IMMP2L: variants seen among roughly 807,000 people sequenced by gnomAD.
IMMP2L encodes the protein inner mitochondrial membrane peptidase subunit 2.
IMMP2L carries 18 observed loss-of-function variants against 19.3 expected under a neutral mutation model. The ratio of observed to expected loss-of-function variants is 0.93; its 90% CI spans 0.64 to 1.38. The LOEUF (loss-of-function observed/expected upper bound fraction) is 1.38, where lower values mean the gene tolerates loss of function less well. IMMP2L is among the 40% of genes most tolerant of loss of function. The pLI is 0.00. For missense variants in IMMP2L, 233 were observed against 218.2 expected (o/e 1.07, Z -0.43); for synonymous variants, 76 against 73.0 (o/e 1.04, Z -0.21).
chr7:111,468,355 C>T (rs1349943075), intron 3 of IMMP2L, among the ~76,000 whole-genome samples: 1 of 152,026 alleles, frequency 6.6e-6, no homozygotes, highest in African/African-American at 2.4e-5. Context: ...GCTTATTAAC[C>T]TAATTATGGG....
intron 3 of IMMP2L, among the ~76,000 whole-genome samples, chr7:111,364,377 G>A (rs1386121108): frequency 6.6e-6 from 1 of 151,968 alleles, no homozygotes; most frequent in Non-Finnish European, 1.5e-5. Flanking sequence ...CAACTAGGCA[G>A]AGTATACATA....
rs577714955 is a variant in IMMP2L, at chr7:110,757,052, C to T, written c.409-93331G>A. Among the ~76,000 whole-genome samples the T allele has an allele frequency of 6.6e-6, 1 of 152,016 alleles. No homozygotes were observed. The highest frequency in any genetic ancestry group is 2.4e-5 in the African/African-American group (1 of 41,416). ...GTAATGAAAGATACTGAAATTCCTG[C>T]CCTGGGGAGCTTAAATTCAAGTGGG... On this transcript the variant is annotated intron_variant, in intron 5 of 5. Transcript: ENST00000405709. The surrounding 1 kb of genome is among the most constrained non-coding windows in gnomAD (Gnocchi z 4.2).
intron 5 of IMMP2L, among the ~76,000 whole-genome samples, chr7:110,697,339 C>T (rs1006943595): frequency 2.0e-5 from 3 of 152,124 alleles, no homozygotes; most frequent in Non-Finnish European, 4.4e-5. Context: ...AACACAAATA[C>T]AGGAGAACCT....
rs2130223801 is a variant in IMMP2L, at chr7:110,663,546, C to T, written c.*56G>A. ...TTCCCTTTTGGAGGCTTCTTTTTTC[C>T]ATTCCTTTCCAGTAACTGGCCTCCC... is the stretch of plus-strand genomic sequence containing the variant. On this transcript the variant is annotated 3_prime_UTR_variant, in exon 6 of 6. Coordinates refer to ENST00000405709, the MANE Select transcript of IMMP2L (RefSeq NM_032549.4). The T allele has an allele frequency of 6.4e-7, 1 of 1,574,626 alleles. No individual in the cohort carries two copies. Among genetic ancestry groups the T allele is most frequent in the African/African-American group, 1.4e-5 (1 of 73,720 alleles).
chr7:111,415,552 C>A (rs952030558), intron 3 of IMMP2L, among the ~76,000 whole-genome samples: 2 of 151,818 alleles, frequency 1.3e-5, no homozygotes, highest in African/African-American at 2.4e-5. Context: ...ACAAAATAGG[C>A]TAAAAGAAGA....
intron 3 of IMMP2L, among the ~76,000 whole-genome samples, chr7:111,413,431 C>T (rs928007282): frequency 7.9e-5 from 12 of 151,678 alleles, no homozygotes; most frequent in African/African-American, 2.4e-4. Flanking sequence ...GTATCTCATA[C>T]ATATAGACAT....
intron 4 of IMMP2L, among the ~76,000 whole-genome samples, chr7:110,958,595 C>T (rs1818604944): frequency 6.6e-6 from 1 of 151,686 alleles, no homozygotes; most frequent in African/African-American, 2.4e-5. Flanking sequence ...TCTTATCTGT[C>T]ATACCAACAA....
intron 3 of IMMP2L, chr7:111,122,976 A>C: frequency 6.2e-7 from 1 of 1,614,088 alleles, no homozygotes; most frequent in South Asian, 1.1e-5. Context: ...CCAGATTGCC[A>C]GCTAACACAC....
chr7:110,959,409 T>A (rs774776109), intron 4 of IMMP2L, among the ~76,000 whole-genome samples: 81 of 151,946 alleles, frequency 5.3e-4, no homozygotes, highest in Admixed American at 1.6e-3. Context: ...TCTGGCATTT[T>A]AAAAAAATTG....
intron 5 of IMMP2L, among the ~76,000 whole-genome samples, chr7:110,831,939 A>T (rs954076998): frequency 6.6e-6 from 1 of 152,146 alleles, no homozygotes. Flanking sequence ...GGTTTTTTTT[A>T]AAACTGCTTC....
rs534307722 is a variant in IMMP2L, at chr7:111,101,713, G to T, written c.240-138148C>A. Among the ~76,000 whole-genome samples, 7 of 151,554 alleles carry T rather than the reference G, an allele frequency of 4.6e-5. No homozygotes were observed. The East Asian group carries it at 1.4e-3, about 29-fold the overall frequency. On this transcript the variant is annotated intron_variant, in intron 3 of 5. Transcript: ENST00000405709. ...CTTCCCTGAGAAGACTGAGAAGAGG[G>T]TATAGCTAAATGAGTTAGGGGTTTG...
chr7:110,769,801 C>A (rs928670288), intron 5 of IMMP2L, among the ~76,000 whole-genome samples: 1 of 152,116 alleles, frequency 6.6e-6, no homozygotes, highest in Non-Finnish European at 1.5e-5. Context: ...ATACTGCTGA[C>A]CCAATAAGTG....
chr7:111,493,413 A>C (rs970367377), intron 2 of IMMP2L, among the ~76,000 whole-genome samples: 5 of 152,156 alleles, frequency 3.3e-5, no homozygotes, highest in African/African-American at 1.2e-4. Flanking sequence ...TTAAAAAGAA[A>C]AAAAACAGGC....
chr7:111,408,623 A>G lies in IMMP2L; in HGVS notation c.239+78615T>C, dbSNP rs150080967. 2.5e-3 allele frequency among the ~76,000 whole-genome samples: 384 copies of G among 151,928 alleles called. 12 individuals are homozygous for G. The highest frequency in any genetic ancestry group is 8.0e-3 in the African/African-American group (329 of 41,340). Reference sequence around the variant, plus strand: ...TTTTATCTTTTTCATATGAAAGTTCAGTAATAAATTTCACATGGCAGTAAG... The same window carrying G: ...TTTTATCTTTTTCATATGAAAGTTCGGTAATAAATTTCACATGGCAGTAAG... On this transcript the variant is annotated intron_variant, in intron 3 of 5. Coordinates refer to ENST00000405709, the MANE Select transcript of IMMP2L (RefSeq NM_032549.4).
chr7:111,045,422 T>C (rs1287777025), intron 3 of IMMP2L, among the ~76,000 whole-genome samples: 3 of 152,246 alleles, frequency 2.0e-5, no homozygotes, highest in African/African-American at 4.8e-5. Context: ...ATTCCCTACA[T>C]AGTAACCAGT....
At chr7:111,021,327 CTGAAAGCAGGTATAAAT>C (rs1826255318) in intron 3 of IMMP2L, among the ~76,000 whole-genome samples, 2 of 152,188 alleles carry the variant, frequency 1.3e-5, no homozygotes, top group Non-Finnish European at 2.9e-5. Context: ...AAAATCCTAT[CTGAAAGCAGGTATAAAT>C]TGAAAGCAGG....
chr7:111,291,317 G>C (rs1584479690), intron 3 of IMMP2L, among the ~76,000 whole-genome samples: 1 of 152,138 alleles, frequency 6.6e-6, no homozygotes, highest in Non-Finnish European at 1.5e-5. Flanking sequence ...CTTTTTCAAA[G>C]GGCAGGGCCC....
At position 111,123,399 on chromosome 7, in the gene IMMP2L, G is replaced by A; in HGVS notation, c.240-159834C>T. On this transcript the variant is annotated intron_variant, in intron 3 of 5. Coordinates refer to ENST00000405709, the MANE Select transcript of IMMP2L (RefSeq NM_032549.4). The surrounding 1 kb of genome is among the most constrained non-coding windows in gnomAD (Gnocchi z 6.4). The stretch of plus-strand genomic sequence containing the variant: ...TCAGAATCAAAGACATGAACTTTAA[G>A]CCTCTTATCAATCTTCGCAGCCTGG... 1 of 1,613,644 alleles carries A rather than the reference G, an allele frequency of 6.2e-7. No individual in the cohort carries two copies. Among genetic ancestry groups the A allele is most frequent in the East Asian group, 2.2e-5 (1 of 44,846 alleles).
chr7:111,447,949 A>C (rs1237725743), intron 3 of IMMP2L, among the ~76,000 whole-genome samples: 2 of 143,740 alleles, frequency 1.4e-5, no homozygotes, highest in Non-Finnish European at 3.0e-5. Flanking sequence ...CAAAGATCAA[A>C]AGAGACAAAG....
Sources: gnomAD v4.1 joint callset for allele counts (sites outside exome capture counted in the v4.1 genomes callset) on GRCh38, gnomAD v4.1.1 for gene constraint, Gnocchi (gnomAD v3.1) non-coding constraint, MANE v1.5 for transcripts, NCBI Gene and HGNC (gene_info 2026-07-23, HGNC 2026-07-21) for gene names.